Variants in HLA-G observed in about 807,000 individuals in gnomAD.
The protein encoded by HLA-G is major histocompatibility complex, class I, G, also known as HLA class I histocompatibility antigen, alpha chain G.
HLA-G carries 34 observed loss-of-function variants against 39.3 expected under a neutral mutation model. That is an observed-to-expected ratio of 0.86 (90% CI 0.66 to 1.15). HLA-G has a LOEUF of 1.15. HLA-G is among the 50% of genes most tolerant of loss of function. HLA-G has a pLI of 0.00. For missense variants in HLA-G, 419 were observed against 456.4 expected (o/e 0.92, Z 0.75); for synonymous variants, 183 against 185.8 (o/e 0.99, Z 0.12).
rs753608913 is a variant in HLA-G, at chr6:29,827,904, C to T, written c.60C>T (p.Thr20=). ...TGCTCTCGGGGGCCCTGACCCTGAC[C>T]GAGACCTGGGCGGGTGAGTGCGGGG... is the stretch of plus-strand genomic sequence containing the variant. ...FLLLSGALTL[T]ETWAGSHSMR... Residue 20 remains threonine (T), a synonymous_variant, in exon 1 of 7, where the codon ACC becomes ACT. Transcript: ENST00000360323. The T allele has an allele frequency of 1.2e-6, 2 of 1,612,208 alleles. No individual in the cohort carries two copies. The highest frequency in any genetic ancestry group is 1.7e-6 in the Non-Finnish European group (2 of 1,179,358).
rs17875398 is a variant in HLA-G at position 29,828,083 on chromosome 6, C to T, written c.110C>T (p.Ser37Phe). ...ATGAGGTATTTCAGCGCCGCCGTGT[C>T]CCGGCCCGGCCGCGGGGAGCCCCGC... ...HSMRYFSAAV[S>F]RPGRGEPRFI... The change falls in exon 2 of 7, where the codon TCC (serine) becomes TTC (phenylalanine). Residue 37 changes from serine (S) to phenylalanine (F), a missense_variant. Around this residue, in one of 2 missense-constraint regions of HLA-G, gnomAD observed 91 missense variants for 133.4 expected, o/e 0.68. Coordinates refer to ENST00000360323, the MANE Select transcript of HLA-G (RefSeq NM_001384290.1). The T allele has an allele frequency of 3.8e-5, 61 of 1,612,106 alleles. No homozygotes were observed. The African/African-American group carries it at 7.1e-4, about 19-fold the overall frequency.
At chr6:29,830,342 C>T (rs913873042) in intron 5 of HLA-G, 36 bp from the exon 6 acceptor site, 3 of 1,612,952 alleles carry the variant, frequency 1.9e-6, no homozygotes, top group Admixed American at 1.7e-5. Flanking sequence ...GCCCTGCCAC[C>T]TTTCTGGCCT....
In HLA-G at chr6:29,828,194, C is replaced by G; in HGVS notation, c.221C>G (p.Pro74Arg). 1 of 1,613,502 alleles carries G rather than the reference C, an allele frequency of 6.2e-7. No homozygotes were observed. The highest frequency in any genetic ancestry group is 1.3e-5 in the African/African-American group (1 of 75,058). The part of the protein sequence containing the change: ...SACPRMEPRA[P>R]WVEQEGPEYW... The stretch of plus-strand genomic sequence containing the variant: ...TGTCCGAGGATGGAGCCGCGGGCGC[C>G]GTGGGTGGAGCAGGAGGGGCCGGAG... The change falls in exon 2 of 7, where the codon CCG (proline) becomes CGG (arginine). Residue 74 changes from proline (P) to arginine (R), a missense_variant. Around this residue, in one of 2 missense-constraint regions of HLA-G, gnomAD observed 91 missense variants for 133.4 expected, o/e 0.68. Coordinates refer to ENST00000360323, the MANE Select transcript of HLA-G (RefSeq NM_001384290.1).
rs756023522 is a variant in HLA-G, at chr6:29,828,048, C to G, written c.75C>G (p.Gly25=). Residue 25 remains glycine (G), a splice_region_variant and synonymous_variant, in exon 2 of 7, where the codon GGC becomes GGG. Coordinates refer to ENST00000360323, the MANE Select transcript of HLA-G (RefSeq NM_001384290.1). ...GALTLTETWA[G]SHSMRYFSAA... ...GTCTCAACCCCTCCTCGCCCCCAGG[C>G]TCCCACTCCATGAGGTATTTCAGCG... 1 of 1,610,314 alleles carries G rather than the reference C, an allele frequency of 6.2e-7. No individual in the cohort carries two copies. Among genetic ancestry groups the G allele is most frequent in the Non-Finnish European group, 8.5e-7 (1 of 1,179,010 alleles).
chr6:29,830,253 C>G (rs1478043890), intron 5 of HLA-G, 125 bp from the exon 6 acceptor site: 2 of 1,091,582 alleles, frequency 1.8e-6, no homozygotes, highest in Non-Finnish European at 1.4e-6. Context: ...TTTTCCTGAT[C>G]CCGCCCTGGG....
intron 3 of HLA-G, 89 bp downstream of exon 3, chr6:29,828,907 C>A: frequency 6.5e-7 from 1 of 1,547,198 alleles, no homozygotes; most frequent in Non-Finnish European, 8.9e-7. Flanking sequence ...GGGACCAACA[C>A]TAGAATATCG....
At position 29,828,215 on chromosome 6, in the gene HLA-G, C is replaced by T. The variant is rs1760864305; in HGVS notation, c.242C>T (p.Pro81Leu). 11 of 1,613,586 alleles carry T rather than the reference C, an allele frequency of 6.8e-6. No individual in the cohort carries two copies. The highest frequency in any genetic ancestry group is 8.5e-6 in the Non-Finnish European group (10 of 1,179,868). The change falls in exon 2 of 7, where the codon CCG (proline) becomes CTG (leucine). Residue 81 changes from proline to leucine, a missense_variant. Around this residue, in one of 2 missense-constraint regions of HLA-G, gnomAD observed 91 missense variants for 133.4 expected, o/e 0.68. Coordinates refer to ENST00000360323, the MANE Select transcript of HLA-G (RefSeq NM_001384290.1). Reference protein sequence around the residue: ...PRAPWVEQEGPEYWEEETRNT... With the variant: ...PRAPWVEQEGLEYWEEETRNT... ...GCGCCGTGGGTGGAGCAGGAGGGGC[C>T]GGAGTATTGGGAAGAGGAGACACGG...
At chr6:29,827,616 G>T (rs1760777739), upstream of HLA-G, 8 of 575,660 alleles carry the variant, frequency 1.4e-5, no homozygotes, top group Admixed American at 2.0e-4. Context: ...TGGCTCTCAG[G>T]GTCTCAGGCC....
At chr6:29,827,602 A>G (rs1037172535), upstream of HLA-G, 11 of 546,486 alleles carry the variant, frequency 2.0e-5, no homozygotes, top group African/African-American at 1.9e-4. Context: ...CAGGGCCTCA[A>G]GCGTGGCTCT....
chr6:29,828,752 G>A lies in HLA-G; in HGVS notation c.553G>A (p.Glu185Lys). ...NVAEQRRAYL[E>K]GTCVEWLHRY... ...GGCTGAACAAAGGAGAGCCTACCTG[G>A]AGGGCACGTGCGTGGAGTGGCTCCA... Residue 185 changes from glutamate to lysine, a missense_variant, in exon 3 of 7, where the codon GAG becomes AAG. Around this residue, in one of 2 missense-constraint regions of HLA-G, gnomAD observed 328 missense variants for 323.0 expected, o/e 1.02. Transcript: ENST00000360323. 6.2e-7 allele frequency: 1 copy of A among 1,614,050 alleles called. No homozygotes were observed. The highest frequency in any genetic ancestry group is 8.5e-7 in the Non-Finnish European group (1 of 1,180,034).
chr6:29,828,502 C>T (rs1428968418), intron 2 of HLA-G, 41 bp from the exon 3 acceptor site: 5 of 1,597,190 alleles, frequency 3.1e-6, no homozygotes, highest in Non-Finnish European at 4.3e-6. Context: ...CGGGCGAGGG[C>T]GAGGCTCGGT....
Position 29,829,539 on chromosome 6 carries a change from C to T in HLA-G, c.741C>T (p.Asp247=). Residue 247 remains aspartate, a synonymous_variant, in exon 4 of 7, where the codon GAC becomes GAT. Transcript: ENST00000360323. ...IILTWQRDGE[D]QTQDVELVET... Reference sequence around the variant, plus strand: ...TGACCTGGCAGCGGGATGGGGAGGACCAGACCCAGGACGTGGAGCTCGTGG... The same window carrying T: ...TGACCTGGCAGCGGGATGGGGAGGATCAGACCCAGGACGTGGAGCTCGTGG... 3.1e-6 allele frequency: 5 copies of T among 1,613,890 alleles called. No individual in the cohort carries two copies. Among genetic ancestry groups the T allele is most frequent in the Non-Finnish European group, 4.2e-6 (5 of 1,179,902 alleles).
rs17875399 is a variant in HLA-G, at chr6:29,828,329, G to C, written c.343+13G>C. 3 of 1,597,280 alleles carry C rather than the reference G, an allele frequency of 1.9e-6. No homozygotes were observed. The highest frequency in any genetic ancestry group is 2.8e-5 in the African/African-American group (2 of 71,338). ...CAGAGCGAGGCCAGTGAGTAACTCC[G>C]GCCCAGGGAGCAGATCACGACCCCC... On this transcript the variant is annotated intron_variant, in intron 2 of 6. Transcript: ENST00000360323.
At position 29,828,106 on chromosome 6, in the gene HLA-G, C is replaced by T. The variant is rs765362190; in HGVS notation, c.133C>T (p.Arg45Cys). The T allele has an allele frequency of 5.8e-5, 93 of 1,612,688 alleles. No homozygotes were observed. The highest frequency in any genetic ancestry group is 7.8e-5 in the Non-Finnish European group (92 of 1,179,768). The part of the protein sequence containing the change: ...AVSRPGRGEP[R>C]FIAMGYVDDT... The stretch of plus-strand genomic sequence containing the variant: ...GTCCCGGCCCGGCCGCGGGGAGCCC[C>T]GCTTCATCGCCATGGGCTACGTGGA... The change falls in exon 2 of 7, where the codon CGC (arginine) becomes TGC (cysteine). Residue 45 changes from arginine (R) to cysteine (C), a missense_variant. Coordinates refer to ENST00000360323, the MANE Select transcript of HLA-G (RefSeq NM_001384290.1).
chr6:29,828,296 ACTACAAC>A lies in HLA-G; in HGVS notation c.325_331del (p.Tyr109ArgfsTer12). On this transcript the variant is annotated frameshift_variant, in exon 2 of 7. Coordinates refer to ENST00000360323, the MANE Select transcript of HLA-G (RefSeq NM_001384290.1). LOFTEE classifies it high-confidence loss of function. The stretch of plus-strand genomic sequence containing the variant: ...ATGAACCTGCAGACCCTGCGCGGCT[ACTACAAC>A]CAGAGCGAGGCCAGTGAGTAACTCC... The A allele has an allele frequency of 6.2e-7, 1 of 1,613,126 alleles. No homozygotes were observed. Among genetic ancestry groups the A allele is most frequent in the Non-Finnish European group, 8.5e-7 (1 of 1,179,532 alleles).
In HLA-G at chr6:29,829,697, A is replaced by C; in HGVS notation, c.895+4A>C. 1 of 1,612,236 alleles carries C rather than the reference A, an allele frequency of 6.2e-7. No homozygotes were observed. The highest frequency in any genetic ancestry group is 1.7e-4 in the Middle Eastern group (1 of 6,046). Reference sequence around the variant, plus strand: ...GAGCCCCTCATGCTGAGATGGAGTAAGGAGGGAGATGGAGGCATCATGTCT... The same window carrying C: ...GAGCCCCTCATGCTGAGATGGAGTACGGAGGGAGATGGAGGCATCATGTCT... On this transcript the variant is annotated splice_donor_region_variant and intron_variant, in intron 4 of 6. Transcript: ENST00000360323.
At chr6:29,830,062 C>T in intron 5 of HLA-G, 130 bp downstream of exon 5, 4 of 728,896 alleles carry the variant, frequency 5.5e-6, no homozygotes, top group South Asian at 3.4e-5. Flanking sequence ...CCAGCCTGGG[C>T]CCTGTGTGCC....
At position 29,828,816 on chromosome 6, in the gene HLA-G, C is replaced by T; in HGVS notation, c.617C>T (p.Ala206Val). ...AACGGGAAGGAGATGCTGCAGCGCG[C>T]GGGTACCAGGGGCAGTGGGGCGCCT... Reference protein sequence around the residue: ...LENGKEMLQRADPPKTHVTHH... With the variant: ...LENGKEMLQRVDPPKTHVTHH... The change falls in exon 3 of 7, where the codon GCG (alanine) becomes GTG (valine). Residue 206 changes from alanine (A) to valine (V), a missense_variant and splice_region_variant. Coordinates refer to ENST00000360323, the MANE Select transcript of HLA-G (RefSeq NM_001384290.1). 6.2e-7 allele frequency: 1 copy of T among 1,613,966 alleles called. No individual in the cohort carries two copies. Among genetic ancestry groups the T allele is most frequent in the Non-Finnish European group, 8.5e-7 (1 of 1,179,986 alleles).
In HLA-G at chr6:29,828,741, G is replaced by C; in HGVS notation, c.542G>C (p.Arg181Thr). ...CEAANVAEQR[R>T]AYLEGTCVEW... ...GCGGCCAATGTGGCTGAACAAAGGA[G>C]AGCCTACCTGGAGGGCACGTGCGTG... Residue 181 changes from arginine (R) to threonine (T), a missense_variant, in exon 3 of 7, where the codon AGA becomes ACA. By Grantham distance (71) the Arg-to-Thr change is moderately conservative. Transcript: ENST00000360323. 1 of 1,613,996 alleles carries C rather than the reference G, an allele frequency of 6.2e-7. No homozygotes were observed. The highest frequency in any genetic ancestry group is 8.5e-7 in the Non-Finnish European group (1 of 1,180,038).
Sources: allele counts gnomAD v4.1 joint callset, GRCh38; gene constraint gnomAD v4.1.1; regional missense constraint gnomAD v4.1.1; transcripts MANE v1.5; gene names NCBI Gene and HGNC (gene_info 2026-07-23, HGNC 2026-07-21).